The following TAS2R1 variants were observed in gnomAD, a reference collection of about 807,000 sequenced individuals.
TAS2R1 encodes taste receptor type 2 member 1.
For missense variants in TAS2R1, 370 were observed against 353.4 expected, an observed-to-expected ratio of 1.05 and a Z score of -0.38; for synonymous variants, 141 against 134.2, an observed-to-expected ratio of 1.05 and a Z score of -0.35.
the TAS2R1 span, among the ~76,000 whole-genome samples, chr5:9,888,549 G>A: frequency 3.1e-3 from 477 of 152,298 alleles, 2 homozygotes; most frequent in African/African-American, 0.011. Context: ...CCTAAAGCAC[G>A]CAGATTGCAG....
rs73037616 is a variant in TAS2R1, at chr5:9,666,496, G to A, written c.-241-6915C>T. Among the ~76,000 whole-genome samples the A allele has an allele frequency of 7.8e-3, 1,191 of 152,254 alleles. 20 individuals are homozygous for A. The highest frequency in any genetic ancestry group is 0.027 in the African/African-American group (1,127 of 41,546). On this transcript the variant is annotated intron_variant, in intron 1 of 2. Transcript: ENST00000506620. ...GGCTTCATCAATGAAAGAGCATCCA[G>A]GAATTTATCAGATGGTTGAGAGGAA...
chr5:9,724,388 A>G, the TAS2R1 span, among the ~76,000 whole-genome samples: 1 of 139,186 alleles, frequency 7.2e-6, no homozygotes, highest in Non-Finnish European at 1.6e-5. Flanking sequence ...TATATCCTTT[A>G]AGGTCATTTT....
At chr5:9,660,767 T>C (rs917434568) in intron 1 of TAS2R1, among the ~76,000 whole-genome samples, 3 of 152,004 alleles carry the variant, frequency 2.0e-5, no homozygotes, top group Non-Finnish European at 4.4e-5. Flanking sequence ...ATTGCATGAG[T>C]TCTTAAAATA....
At chr5:9,726,689 C>A in the TAS2R1 span, among the ~76,000 whole-genome samples, 1 of 152,292 alleles carries the variant, frequency 6.6e-6, no homozygotes, top group East Asian at 1.9e-4. Context: ...TAATAGTTAC[C>A]GCGAGGGTCC....
At chr5:9,884,182 C>T in the TAS2R1 span, among the ~76,000 whole-genome samples, 3 of 151,956 alleles carry the variant, frequency 2.0e-5, no homozygotes, top group Admixed American at 6.6e-5. Flanking sequence ...CCTTAAAGTC[C>T]CCCCTTCTTA....
At chr5:9,902,663 T>C in the TAS2R1 span, 1 of 151,966 alleles carries the variant, frequency 6.6e-6, no homozygotes, top group Non-Finnish European at 1.5e-5. Context: ...GGAGCAGAAA[T>C]CCATGAGCAG....
At chr5:9,750,511 A>G in the TAS2R1 span, among the ~76,000 whole-genome samples, 2 of 152,200 alleles carry the variant, frequency 1.3e-5, no homozygotes, top group Non-Finnish European at 2.9e-5. Context: ...GGGAAGTTTA[A>G]TCCTCTCAAT....
chr5:9,893,031 C>T, the TAS2R1 span, among the ~76,000 whole-genome samples: 13 of 152,242 alleles, frequency 8.5e-5, no homozygotes, highest in African/African-American at 2.4e-4. Context: ...ATGACTGCAC[C>T]GCTACCAAAA....
chr5:9,873,596 G>C, the TAS2R1 span, among the ~76,000 whole-genome samples: 1 of 152,012 alleles, frequency 6.6e-6, no homozygotes, highest in African/African-American at 2.4e-5. Flanking sequence ...GCTGGGCTCG[G>C]TGGCTCACAC....
At chr5:9,662,962 T>G (rs1740566878) in intron 1 of TAS2R1, among the ~76,000 whole-genome samples, 1 of 151,700 alleles carries the variant, frequency 6.6e-6, no homozygotes, top group African/African-American at 2.4e-5. Context: ...CATTATCATT[T>G]CTTTGTAATT....
At chr5:9,637,647 T>C (rs1437317277) in intron 2 of TAS2R1, among the ~76,000 whole-genome samples, 1 of 152,150 alleles carries the variant, frequency 6.6e-6, no homozygotes, top group Non-Finnish European at 1.5e-5. Context: ...TCTTTGCCTT[T>C]TTCTGATTGA....
chr5:9,666,395 C>A (rs1363056915), intron 1 of TAS2R1, among the ~76,000 whole-genome samples: 1 of 152,160 alleles, frequency 6.6e-6, no homozygotes, highest in Non-Finnish European at 1.5e-5. Flanking sequence ...GCCACATCCC[C>A]TGGCCAACCA....
chr5:9,676,337 G>A (rs1318815591), intron 1 of TAS2R1, among the ~76,000 whole-genome samples: 1 of 152,120 alleles, frequency 6.6e-6, no homozygotes, highest in Non-Finnish European at 1.5e-5. Flanking sequence ...CAAAGCTGGA[G>A]AACTGACTGA....
At chr5:9,858,137 C>A in the TAS2R1 span, among the ~76,000 whole-genome samples, 1 of 151,948 alleles carries the variant, frequency 6.6e-6, no homozygotes, top group Non-Finnish European at 1.5e-5. Flanking sequence ...AGGGTAGATC[C>A]AAAGCCACTG....
chr5:9,876,539 C>T, the TAS2R1 span, among the ~76,000 whole-genome samples: 2 of 152,202 alleles, frequency 1.3e-5, no homozygotes, highest in South Asian at 2.1e-4. Flanking sequence ...CTGTCATACC[C>T]GAGAAGCACA....
At chr5:9,848,924 C>T in the TAS2R1 span, among the ~76,000 whole-genome samples, 34 of 152,162 alleles carry the variant, frequency 2.2e-4, no homozygotes, top group African/African-American at 8.0e-4. Flanking sequence ...GGAAACCGTC[C>T]ATGACAGGCA....
chr5:9,787,781 T>C, the TAS2R1 span, among the ~76,000 whole-genome samples: 1 of 152,034 alleles, frequency 6.6e-6, no homozygotes, highest in African/African-American at 2.4e-5. Context: ...CCCCAGAGAG[T>C]GTCTGCACTT....
the TAS2R1 span, among the ~76,000 whole-genome samples, chr5:9,848,361 C>T: frequency 6.6e-6 from 1 of 152,182 alleles, no homozygotes; most frequent in Non-Finnish European, 1.5e-5. Flanking sequence ...ACAATGGAGG[C>T]ATCCAAATTG....
chr5:9,729,924 CTG>C, the TAS2R1 span, among the ~76,000 whole-genome samples: 1 of 152,150 alleles, frequency 6.6e-6, no homozygotes, highest in East Asian at 1.9e-4. Flanking sequence ...TTTCCTATAA[CTG>C]TGTGTAACAT....
Sources: gnomAD v4.1 joint callset for allele counts (sites outside exome capture counted in the v4.1 genomes callset) on GRCh38, gnomAD v4.1.1 for gene constraint, MANE v1.5 for transcripts, NCBI Gene and HGNC (gene_info 2026-07-23, HGNC 2026-07-21) for gene names.